BCAS3: variants seen among roughly 807,000 people sequenced by gnomAD.
BCAS3 encodes BCAS3 microtubule associated cell migration factor.
BCAS3 carries 53 observed loss-of-function variants against 116.1 expected under a neutral mutation model. That is an observed-to-expected ratio of 0.46 (90% CI 0.37 to 0.57). BCAS3 has a LOEUF of 0.57. BCAS3 is among the 20% of genes least tolerant of loss of function. The pLI is 0.00. For synonymous variants in BCAS3, 391 were observed against 408.2 expected, an observed-to-expected ratio of 0.96 and a Z score of 0.51; for missense variants, 917 against 1,165.4, an observed-to-expected ratio of 0.79 and a Z score of 3.10.
At chr17:60,940,180 C>CA (rs2060149885) in intron 13 of BCAS3, among the ~76,000 whole-genome samples, 1 of 152,058 alleles carries the variant, frequency 6.6e-6, no homozygotes, top group Admixed American at 6.5e-5. Flanking sequence ...CCACATGAAA[C>CA]AAATAAGGGC....
rs893119697 is a variant in BCAS3, at chr17:61,249,253, C to T, written c.2426-119074C>T. Among the ~76,000 whole-genome samples, 4 of 152,154 alleles carry T rather than the reference C, an allele frequency of 2.6e-5. No homozygotes were observed. Among genetic ancestry groups the T allele is most frequent in the African/African-American group, 9.7e-5 (4 of 41,422 alleles). Reference sequence around the variant, plus strand: ...AGTGAGCCGAGATCACACCACTGCACTCCAGCCTGGGCAACAAGAGTGAAA... The same window carrying T: ...AGTGAGCCGAGATCACACCACTGCATTCCAGCCTGGGCAACAAGAGTGAAA... On this transcript the variant is annotated intron_variant, in intron 22 of 23. Coordinates refer to ENST00000407086, the MANE Select transcript of BCAS3 (RefSeq NM_017679.5). This position sits in a 1 kb window ranked among gnomAD's most constrained non-coding sequence, Gnocchi z 6.2.
Position 61,156,971 on chromosome 17 carries a change from A to C in BCAS3, c.2425+72407A>C, listed in dbSNP as rs1158738827. Reference sequence around the variant, plus strand: ...ACAGTTGAGGCATCACTCTCCTATAAATTTAGTATTAAATTTCAAAATACG... The same window carrying C: ...ACAGTTGAGGCATCACTCTCCTATACATTTAGTATTAAATTTCAAAATACG... On this transcript the variant is annotated intron_variant, in intron 22 of 23. Coordinates refer to ENST00000407086, the MANE Select transcript of BCAS3 (RefSeq NM_017679.5). The surrounding 1 kb of genome is among the most constrained non-coding windows in gnomAD (Gnocchi z 4.7). 6.6e-6 allele frequency among the ~76,000 whole-genome samples: 1 copy of C among 152,218 alleles called. No individual in the cohort carries two copies. Among genetic ancestry groups the C allele is most frequent in the Non-Finnish European group, 1.5e-5 (1 of 68,036 alleles).
chr17:60,935,920 A>G (rs1567908325), intron 13 of BCAS3, among the ~76,000 whole-genome samples: 1 of 151,284 alleles, frequency 6.6e-6, no homozygotes, highest in South Asian at 2.1e-4. Context: ...GGTTATTTAC[A>G]TATGTATACA....
intron 9 of BCAS3, among the ~76,000 whole-genome samples, chr17:60,886,204 A>G (rs2056622061): frequency 7.0e-6 from 1 of 143,702 alleles, no homozygotes; most frequent in African/African-American, 2.6e-5. Flanking sequence ...TTCATCTTCC[A>G]TTGCTGATAC....
chr17:60,758,574 G>A (rs141115244), intron 6 of BCAS3, among the ~76,000 whole-genome samples: 1,695 of 152,198 alleles, frequency 0.011, 34 homozygotes, highest in African/African-American at 0.038. Flanking sequence ...TAGAGACGGA[G>A]TTTTGTCATG....
Position 61,355,867 on chromosome 17 carries a change from G to A in BCAS3, c.2426-12460G>A, listed in dbSNP as rs1310957593. On this transcript the variant is annotated intron_variant, in intron 22 of 23. Transcript: ENST00000407086. The surrounding 1 kb of genome is among the most constrained non-coding windows in gnomAD (Gnocchi z 4.2). The stretch of plus-strand genomic sequence containing the variant: ...GTTTTTCCATTGAAGGAATTGCTAG[G>A]TTTCCGAGGATAGTTTGTCTTGCAG... Among the ~76,000 whole-genome samples the A allele has an allele frequency of 6.6e-6, 1 of 152,304 alleles. No individual in the cohort carries two copies. Among genetic ancestry groups the A allele is most frequent in the African/African-American group, 2.4e-5 (1 of 41,570 alleles).
chr17:60,726,650 C>A (rs1266953012), intron 5 of BCAS3, among the ~76,000 whole-genome samples: 1 of 151,974 alleles, frequency 6.6e-6, no homozygotes, highest in Non-Finnish European at 1.5e-5. Context: ...GCTGGGACTA[C>A]AGATGCCCGC....
At chr17:60,974,582 A>G (rs1449792023) in intron 14 of BCAS3, among the ~76,000 whole-genome samples, 7 of 152,232 alleles carry the variant, frequency 4.6e-5, no homozygotes, top group Non-Finnish European at 1.0e-4. Context: ...GTTTTAAAGA[A>G]CAAATATCTT....
At position 60,889,755 on chromosome 17, in the gene BCAS3, C is replaced by A; in HGVS notation, c.722C>A (p.Ala241Asp). The A allele has an allele frequency of 6.2e-7, 1 of 1,612,918 alleles. No homozygotes were observed. The highest frequency in any genetic ancestry group is 8.5e-7 in the Non-Finnish European group (1 of 1,179,678). ...ATTGCTCTTGGGAGCCGCTGGCTTG[C>A]TTATGCAGAAAACAAGGTAAGACGT... ...NPIALGSRWLAYAENKLIRCH... is the reference protein window; with the variant it reads ...NPIALGSRWLDYAENKLIRCH... Residue 241 changes from alanine to aspartate, a missense_variant, in exon 10 of 24, where the codon GCT becomes GAT. Ala to Asp is a moderately radical substitution (Grantham distance 126). This residue lies in a region of BCAS3 where 807 missense variants were observed against 1,026.0 expected (regional missense o/e 0.79). Transcript: ENST00000407086.
intron 22 of BCAS3, chr17:61,135,734 A>G (rs1276803251): frequency 6.6e-6 from 1 of 152,226 alleles, no homozygotes; most frequent in Admixed American, 6.5e-5. Flanking sequence ...TGAAATTCAC[A>G]TGTCAGGCTC....
chr17:60,873,216 A>G (rs144588304), intron 8 of BCAS3, among the ~76,000 whole-genome samples: 4 of 152,234 alleles, frequency 2.6e-5, no homozygotes, highest in Non-Finnish European at 4.4e-5. Context: ...GTAAGAAGCA[A>G]CCCAGTAAAA....
chr17:60,789,714 A>C (rs1241604297), intron 6 of BCAS3, among the ~76,000 whole-genome samples: 1 of 152,154 alleles, frequency 6.6e-6, no homozygotes, highest in Non-Finnish European at 1.5e-5. Context: ...TATATATAAA[A>C]AGTTAATCCA....
rs80078279 is a variant in BCAS3, at chr17:61,323,598, C to T, written c.2426-44729C>T. 0.011 allele frequency among the ~76,000 whole-genome samples: 1,649 copies of T among 152,268 alleles called. 17 individuals carry two copies. The highest frequency in any genetic ancestry group is 0.034 in the Middle Eastern group (10 of 292). On this transcript the variant is annotated intron_variant, in intron 22 of 23. Coordinates refer to ENST00000407086, the MANE Select transcript of BCAS3 (RefSeq NM_017679.5). This position sits in a 1 kb window ranked among gnomAD's most constrained non-coding sequence, Gnocchi z 4.6. ...TTAGCTGTTCTCAAAATTATAAACT[C>T]GGGAGTGTGGAGGGGGTTGGTGAAT...
intron 22 of BCAS3, among the ~76,000 whole-genome samples, chr17:61,160,853 G>C (rs1387023366): frequency 6.6e-6 from 1 of 152,154 alleles, no homozygotes; most frequent in African/African-American, 2.4e-5. Flanking sequence ...ATAAATGCAG[G>C]GAGGGGGTGT....
intron 22 of BCAS3, among the ~76,000 whole-genome samples, chr17:61,225,290 A>C (rs2082315933): frequency 6.6e-6 from 1 of 151,640 alleles, no homozygotes; most frequent in South Asian, 2.1e-4. Context: ...ACCCCTTTTC[A>C]CATTAGACGC....
chr17:60,917,671 G>A (rs1237802121), intron 12 of BCAS3, among the ~76,000 whole-genome samples: 1 of 151,864 alleles, frequency 6.6e-6, no homozygotes, highest in Non-Finnish European at 1.5e-5. Flanking sequence ...TTGGCCCACT[G>A]CAACTGCTGC....
At chr17:61,197,553 A>T (rs531595155) in intron 22 of BCAS3, among the ~76,000 whole-genome samples, 4 of 152,326 alleles carry the variant, frequency 2.6e-5, no homozygotes, top group Non-Finnish European at 4.4e-5. Flanking sequence ...TACTCGTGGA[A>T]TGTCAAAACT....
chr17:60,801,798 C>T (rs1421699421), intron 6 of BCAS3, among the ~76,000 whole-genome samples: 2 of 152,166 alleles, frequency 1.3e-5, no homozygotes, highest in East Asian at 1.9e-4. Context: ...CTGATAAAAT[C>T]GTAGTTTTTT....
chr17:61,338,273 A>G (rs1420012677), intron 22 of BCAS3, among the ~76,000 whole-genome samples: 1 of 152,236 alleles, frequency 6.6e-6, no homozygotes, highest in Non-Finnish European at 1.5e-5. Context: ...AGTAGAGATT[A>G]TTGCAGTATT....
Sources: gnomAD v4.1 joint callset for allele counts (sites outside exome capture counted in the v4.1 genomes callset) on GRCh38, gnomAD v4.1.1 for gene constraint, gnomAD v4.1.1 regional missense constraint, Gnocchi (gnomAD v3.1) non-coding constraint, MANE v1.5 for transcripts, NCBI Gene and HGNC (gene_info 2026-07-23, HGNC 2026-07-21) for gene names.